Variants in SMAP1 observed in about 807,000 individuals in gnomAD.
The protein encoded by SMAP1 is stromal membrane-associated protein 1.
In SMAP1, 24 loss-of-function variants were observed where a neutral mutation model predicts 58.5. The ratio of observed to expected loss-of-function variants is 0.41; its 90% CI spans 0.30 to 0.58. SMAP1 has a LOEUF of 0.58. Ranked by LOEUF, SMAP1 falls within the 20% of genes least tolerant of loss-of-function variation. The probability of loss-of-function intolerance (pLI) is 0.29; values close to 1 mark genes in which losing one functional copy is unlikely to be tolerated. For missense variants in SMAP1, 563 were observed against 566.3 expected (o/e 0.99, Z 0.06); for synonymous variants, 216 against 196.6 (o/e 1.10, Z -0.82).
intron 6 of SMAP1, among the ~76,000 whole-genome samples, chr6:70,819,562 C>A (rs1261304544): frequency 6.6e-6 from 1 of 152,032 alleles, no homozygotes; most frequent in African/African-American, 2.4e-5. Context: ...TTTCAGTCTC[C>A]CTTTATTCTT....
At chr6:70,830,316 A>T (rs1336641271) in intron 6 of SMAP1, among the ~76,000 whole-genome samples, 1 of 152,200 alleles carries the variant, frequency 6.6e-6, no homozygotes, top group African/African-American at 2.4e-5. Context: ...TGACAGTTAA[A>T]TGAGGGAAGG....
At chr6:70,853,738 A>G (rs1457293277) in intron 8 of SMAP1, among the ~76,000 whole-genome samples, 2 of 152,238 alleles carry the variant, frequency 1.3e-5, no homozygotes, top group African/African-American at 4.8e-5. Context: ...CACATAAAAA[A>G]GAGAATATTG....
At chr6:70,828,699 T>TC (rs1414167041) in intron 6 of SMAP1, among the ~76,000 whole-genome samples, 1 of 152,240 alleles carries the variant, frequency 6.6e-6, no homozygotes, top group Middle Eastern at 3.2e-3. Flanking sequence ...CAGATTCATC[T>TC]TTTATTCCTT....
At chr6:70,796,483 A>G (rs1331593066) in intron 5 of SMAP1, among the ~76,000 whole-genome samples, 2 of 152,238 alleles carry the variant, frequency 1.3e-5, no homozygotes, top group Non-Finnish European at 2.9e-5. Flanking sequence ...TAAATTAGAC[A>G]ATAAGGTGCT....
At chr6:70,674,049 C>G (rs1766376786) in intron 1 of SMAP1, among the ~76,000 whole-genome samples, 1 of 152,048 alleles carries the variant, frequency 6.6e-6, no homozygotes, top group South Asian at 2.1e-4. Flanking sequence ...AATCCATGCT[C>G]TCTTTAAGGC....
At chr6:70,830,134 G>T (rs1464872829) in intron 6 of SMAP1, among the ~76,000 whole-genome samples, 1 of 152,150 alleles carries the variant, frequency 6.6e-6, no homozygotes, top group Non-Finnish European at 1.5e-5. Context: ...AGAAAATTTT[G>T]TTTAATAAAT....
At chr6:70,788,580 CAAAATT>C (rs1406047086) in intron 4 of SMAP1, among the ~76,000 whole-genome samples, 1 of 152,000 alleles carries the variant, frequency 6.6e-6, no homozygotes, top group African/African-American at 2.4e-5. Flanking sequence ...AGTTTTAACT[CAAAATT>C]AAAGGATGAG....
chr6:70,769,405 C>G (rs1266273797), intron 3 of SMAP1, among the ~76,000 whole-genome samples: 2 of 152,168 alleles, frequency 1.3e-5, no homozygotes, highest in African/African-American at 2.4e-5. Context: ...TTGTAGGTCA[C>G]TCAGGACTTG....
At chr6:70,770,911 G>A (rs574307228) in intron 3 of SMAP1, among the ~76,000 whole-genome samples, 175 of 152,186 alleles carry the variant, frequency 1.1e-3, no homozygotes, top group African/African-American at 4.0e-3. Flanking sequence ...TGATGGTGAC[G>A]TACAGATGGG....
At chr6:70,702,116 C>T (rs1767653124) in intron 1 of SMAP1, among the ~76,000 whole-genome samples, 1 of 152,096 alleles carries the variant, frequency 6.6e-6, no homozygotes, top group Non-Finnish European at 1.5e-5. Context: ...AATGCCTTTT[C>T]CCCCAGCTTC....
chr6:70,752,736 C>A (rs1424169614), intron 2 of SMAP1, among the ~76,000 whole-genome samples: 1 of 151,864 alleles, frequency 6.6e-6, no homozygotes, highest in Non-Finnish European at 1.5e-5. Flanking sequence ...TTCACTGCTC[C>A]CCTACCTCCC....
At chr6:70,673,998 T>C (rs569290034) in intron 1 of SMAP1, among the ~76,000 whole-genome samples, 1 of 152,338 alleles carries the variant, frequency 6.6e-6, no homozygotes, top group African/African-American at 2.4e-5. Flanking sequence ...AAGATATATA[T>C]ATATATCTTT....
rs765492243 is a variant in SMAP1 at position 70,852,589 on chromosome 6, C to G, written c.714C>G (p.Pro238=). 5.0e-6 allele frequency: 8 copies of G among 1,609,740 alleles called. No individual in the cohort carries two copies. The highest frequency in any genetic ancestry group is 1.7e-5 in the Admixed American group (1 of 59,486). The change falls in exon 8 of 11, where the codon CCC becomes CCG. Residue 238 remains proline, a synonymous_variant. Coordinates refer to ENST00000370455, the MANE Select transcript of SMAP1 (RefSeq NM_001044305.3). ...CCAACGGGAACACAACGGTGCCACCCCTGAACGATGATCTGGACATCTTTG... is the reference window on the plus strand; with the variant it reads ...CCAACGGGAACACAACGGTGCCACCGCTGAACGATGATCTGGACATCTTTG... ...PVTNGNTTVP[P]LNDDLDIFGP...
intron 4 of SMAP1, among the ~76,000 whole-genome samples, chr6:70,788,440 T>C (rs1768177512): frequency 6.6e-6 from 1 of 151,866 alleles, no homozygotes; most frequent in South Asian, 2.1e-4. Context: ...CCCTACAACT[T>C]AAAGTGTAAT....
intron 1 of SMAP1, among the ~76,000 whole-genome samples, chr6:70,713,275 C>T (rs1462687616): frequency 4.0e-5 from 6 of 151,686 alleles, no homozygotes; most frequent in African/African-American, 1.5e-4. Context: ...TTTGATTTAT[C>T]TGTGTTTTTT....
chr6:70,774,577 T>TA (rs1405467269), intron 4 of SMAP1, among the ~76,000 whole-genome samples: 1 of 152,176 alleles, frequency 6.6e-6, no homozygotes, highest in East Asian at 1.9e-4. Context: ...AAAATCTTGT[T>TA]AAAAAAGTTT....
intron 1 of SMAP1, among the ~76,000 whole-genome samples, chr6:70,676,713 C>T (rs1375226009): frequency 6.6e-6 from 1 of 152,148 alleles, no homozygotes; most frequent in Non-Finnish European, 1.5e-5. Context: ...GCAGAACCAC[C>T]ATAACTTCAA....
chr6:70,691,729 G>C (rs1431906127), intron 1 of SMAP1, among the ~76,000 whole-genome samples: 1 of 152,142 alleles, frequency 6.6e-6, no homozygotes, highest in East Asian at 1.9e-4. Context: ...TTCTGTGCCT[G>C]ACATTTCACT....
intron 3 of SMAP1, among the ~76,000 whole-genome samples, chr6:70,762,707 C>A (rs1374828280): frequency 6.6e-6 from 1 of 152,072 alleles, no homozygotes; most frequent in Non-Finnish European, 1.5e-5. Flanking sequence ...GTAAGTTCTT[C>A]TACCCTAATG....
Sources: allele counts gnomAD v4.1 joint callset (sites outside exome capture counted in the v4.1 genomes callset), GRCh38; gene constraint gnomAD v4.1.1; transcripts MANE v1.5; gene names NCBI Gene and HGNC (gene_info 2026-07-23, HGNC 2026-07-21).